The following FNDC5 variants were observed in gnomAD, a reference collection of about 807,000 sequenced individuals.
FNDC5 encodes fibronectin type III domain-containing protein 5.
FNDC5 carries 10 observed loss-of-function variants against 24.6 expected under a neutral mutation model. The ratio of observed to expected loss-of-function variants is 0.41; its 90% CI spans 0.25 to 0.69. The LOEUF (loss-of-function observed/expected upper bound fraction) is 0.69. Ranked by LOEUF, FNDC5 falls within the 30% of genes least tolerant of loss-of-function variation. The pLI is 0.34. For missense variants in FNDC5, 226 were observed against 282.9 expected, an observed-to-expected ratio of 0.80 and a Z score of 1.44; for synonymous variants, 90 against 110.7, an observed-to-expected ratio of 0.81 and a Z score of 1.18.
In FNDC5 at chr1:32,863,783, G is replaced by A. The variant is rs1008566695; in HGVS notation, c.*511C>T. 13 of 1,304,434 alleles carry A rather than the reference G, an allele frequency of 1.0e-5. No homozygotes were observed. Among genetic ancestry groups the A allele is most frequent in the Admixed American group, 2.3e-5 (1 of 43,540 alleles). The allele number at this position is 1,304,434 out of a possible 1,614,324, so 80.8% of individuals were successfully genotyped here. A position where few individuals can be genotyped will look rare whatever the true frequency, so the allele number is the denominator to read the frequency against. On this transcript the variant is annotated 3_prime_UTR_variant, in exon 6 of 6. Transcript: ENST00000373471. The stretch of plus-strand genomic sequence containing the variant: ...CTGAGGGCTTGTTTGGAAACTGGGA[G>A]GAAAAAAATGAGAGAAGCAGCCAGG...
At position 32,863,786 on chromosome 1, in the gene FNDC5, A is replaced by G. The variant is rs1440497432; in HGVS notation, c.*508T>C. 1.5e-6 allele frequency: 2 copies of G among 1,304,518 alleles called. No homozygotes were observed. The highest frequency in any genetic ancestry group is 3.0e-5 in the African/African-American group (2 of 65,856). 80.8% of individuals were successfully genotyped at this position (1,304,518 alleles called of 1,614,324 possible). A position where few individuals can be genotyped will look rare whatever the true frequency, so the allele number is the denominator to read the frequency against. On this transcript the variant is annotated 3_prime_UTR_variant, in exon 6 of 6. Coordinates refer to ENST00000373471, the MANE Select transcript of FNDC5 (RefSeq NM_153756.3). The stretch of plus-strand genomic sequence containing the variant: ...AGGGCTTGTTTGGAAACTGGGAGGA[A>G]AAAAATGAGAGAAGCAGCCAGGCCT...
chr1:32,868,296 G>A lies in FNDC5; in HGVS notation c.303C>T (p.Tyr101=). The A allele has an allele frequency of 1.2e-6, 2 of 1,614,220 alleles. No individual in the cohort carries two copies. Among genetic ancestry groups the A allele is most frequent in the African/African-American group, 1.3e-5 (1 of 75,052 alleles). The change falls in exon 3 of 6, where the codon TAC becomes TAT. Residue 101 remains tyrosine (Y), a synonymous_variant. Transcript: ENST00000373471. This position sits in a 1 kb window ranked among gnomAD's most constrained non-coding sequence, Gnocchi z 4.8. ...TGGAGATGGCCTGCACGTGGACTAT[G>A]TACTCCGTATCCTCCTCCAGGTCCC...
intron 1 of FNDC5, among the ~76,000 whole-genome samples, 185 bp from the exon 2 acceptor site, chr1:32,869,182 A>G (rs1467169430): frequency 6.6e-6 from 1 of 152,264 alleles, no homozygotes; most frequent in Admixed American, 6.5e-5. Flanking sequence ...ACCAAGCCCA[A>G]GAGGCCCCAG....
intron 5 of FNDC5, 106 bp downstream of exon 5, chr1:32,864,558 C>T: frequency 6.4e-7 from 1 of 1,572,732 alleles, no homozygotes; most frequent in Admixed American, 1.8e-5. Flanking sequence ...TCTGGCTCTG[C>T]CCAGCTGTCG....
chr1:32,866,438 A>G (rs1641072204), intron 4 of FNDC5, among the ~76,000 whole-genome samples: 1 of 151,988 alleles, frequency 6.6e-6, no homozygotes, highest in African/African-American at 2.4e-5. Flanking sequence ...TTACTCCCCC[A>G]CGTTCTACCT....
chr1:32,867,885 TC>T, intron 3 of FNDC5, 43 bp from the exon 4 acceptor site: 1 of 1,590,942 alleles, frequency 6.3e-7, no homozygotes, highest in Non-Finnish European at 8.6e-7. Context: ...CTTTCCTCCC[TC>T]AGCCACTCCT....
At position 32,868,741 on chromosome 1, in the gene FNDC5, G is replaced by A. The variant is rs1641124143; in HGVS notation, c.210+141C>T. On this transcript the variant is annotated intron_variant, in intron 2 of 5. Transcript: ENST00000373471. The surrounding 1 kb of genome is among the most constrained non-coding windows in gnomAD (Gnocchi z 4.8). ...ATGGGGCCCCAATTTTCAGACATAT[G>A]TCCAAATTGCTGTTCATCTCCCTTG... is the stretch of plus-strand genomic sequence containing the variant. The A allele has an allele frequency of 3.4e-6, 2 of 591,404 alleles. No individual in the cohort carries two copies. The highest frequency in any genetic ancestry group is 6.1e-5 in the East Asian group (2 of 32,676). 36.6% of individuals were successfully genotyped at this position (591,404 alleles called of 1,614,324 possible). A position where few individuals can be genotyped will look rare whatever the true frequency, so the allele number is the denominator to read the frequency against.
At chr1:32,870,621 C>G (rs1052334989) in intron 1 of FNDC5, 32 bp downstream of exon 1, 37 of 1,181,302 alleles carry the variant, frequency 3.1e-5, no homozygotes, top group South Asian at 4.2e-5. Context: ...GAGCCTGCCC[C>G]GGCGCCGGCC....
In FNDC5 at chr1:32,868,405, G is replaced by A. The variant is rs1250324616; in HGVS notation, c.211-17C>T. 1 of 1,609,038 alleles carries A rather than the reference G, an allele frequency of 6.2e-7. No individual in the cohort carries two copies. Among genetic ancestry groups the A allele is most frequent in the Non-Finnish European group, 8.5e-7 (1 of 1,176,504 alleles). On this transcript the variant is annotated splice_polypyrimidine_tract_variant and intron_variant, in intron 2 of 5. Transcript: ENST00000373471. This position sits in a 1 kb window ranked among gnomAD's most constrained non-coding sequence, Gnocchi z 4.8. ...ATCCTTCTTCTGCAGACAAGCGCCG[G>A]TCACTGCTGTCAACACTCGGTGACC...
chr1:32,862,894 G>A lies in FNDC5; in HGVS notation c.*1400C>T, dbSNP rs956284421. 11 of 152,754 alleles carry A rather than the reference G, an allele frequency of 7.2e-5. No homozygotes were observed. Among genetic ancestry groups the A allele is most frequent in the African/African-American group, 2.4e-4 (10 of 41,450 alleles). The allele number at this position is 152,754 out of a possible 1,614,324, so 9.5% of individuals were successfully genotyped here. A position where few individuals can be genotyped will look rare whatever the true frequency, so the allele number is the denominator to read the frequency against. On this transcript the variant is annotated 3_prime_UTR_variant, in exon 6 of 6. Transcript: ENST00000373471. ...GTAACTTTCATGGAACCCTGGATGAGATGGCAAGATATGAAGACCCCAGAG... is the reference window on the plus strand; with the variant it reads ...GTAACTTTCATGGAACCCTGGATGAAATGGCAAGATATGAAGACCCCAGAG...
At chr1:32,870,534 C>T in intron 1 of FNDC5, 119 bp downstream of exon 1, 2 of 469,750 alleles carry the variant, frequency 4.3e-6, no homozygotes, top group Non-Finnish European at 6.2e-6. Flanking sequence ...GTTAGGGGAG[C>T]AGTGTTTGGG....
chr1:32,864,848 C>T (rs1324115035), intron 4 of FNDC5, 51 bp from the exon 5 acceptor site: 1 of 1,605,494 alleles, frequency 6.2e-7, no homozygotes, highest in East Asian at 2.2e-5. Flanking sequence ...GTTCCTGCCT[C>T]CCCTGCTTCT....
At chr1:32,871,293 A>C (rs919255790), upstream of FNDC5, among the ~76,000 whole-genome samples, 1 of 151,266 alleles carries the variant, frequency 6.6e-6, no homozygotes, top group Non-Finnish European at 1.5e-5. Context: ...CCCTCATTCC[A>C]CGGTAGACCC....
At position 32,864,081 on chromosome 1, in the gene FNDC5, T is replaced by C. The variant is rs1641021793; in HGVS notation, c.*213A>G. On this transcript the variant is annotated 3_prime_UTR_variant, in exon 6 of 6. Coordinates refer to ENST00000373471, the MANE Select transcript of FNDC5 (RefSeq NM_153756.3). The stretch of plus-strand genomic sequence containing the variant: ...TGAGTGCAGCCTCAGCCACTGACAT[T>C]GTTGAGGTGCTTCTGGAGATGGGAG... The C allele has an allele frequency of 2.7e-6, 4 of 1,477,008 alleles. No homozygotes were observed. The South Asian group carries it at 5.4e-5, about 20-fold the overall frequency. The allele number at this position is 1,477,008 out of a possible 1,614,324, so 91.5% of individuals were successfully genotyped here.
At chr1:32,865,321 A>G (rs1350662612) in intron 4 of FNDC5, among the ~76,000 whole-genome samples, 1 of 149,756 alleles carries the variant, frequency 6.7e-6, no homozygotes, top group Non-Finnish European at 1.5e-5. Flanking sequence ...CTGGTCTCGA[A>G]CTCCCGACCT....
At chr1:32,866,586 C>A (rs1034302254) in intron 4 of FNDC5, among the ~76,000 whole-genome samples, 1 of 152,100 alleles carries the variant, frequency 6.6e-6, no homozygotes, top group African/African-American at 2.4e-5. Context: ...CCCATGTTAT[C>A]TCCTCTCTGT....
upstream of FNDC5, chr1:32,871,030 GC>G (rs1293709833): frequency 6.8e-6 from 1 of 147,636 alleles, no homozygotes; most frequent in Admixed American, 6.7e-5. Flanking sequence ...CCCCACTCCC[GC>G]CCCCGCTGCC....
chr1:32,863,563 G>T lies in FNDC5; in HGVS notation c.*731C>A. On this transcript the variant is annotated 3_prime_UTR_variant, in exon 6 of 6. Coordinates refer to ENST00000373471, the MANE Select transcript of FNDC5 (RefSeq NM_153756.3). ...TTTTGTGGCTTATTTTTATTTTTTT[G>T]CAGAATTTGGGTTTGTAGTGCAGCC... 1 of 528,930 alleles carries T rather than the reference G, an allele frequency of 1.9e-6. No homozygotes were observed. The highest frequency in any genetic ancestry group is 3.0e-6 in the Non-Finnish European group (1 of 328,836). 32.8% of individuals were successfully genotyped at this position (528,930 alleles called of 1,614,324 possible).
intron 1 of FNDC5, among the ~76,000 whole-genome samples, chr1:32,869,517 C>T (rs1641138168): frequency 6.6e-6 from 1 of 152,200 alleles, no homozygotes; most frequent in Admixed American, 6.5e-5. Flanking sequence ...ACAGAAGTAT[C>T]CTCAGAGCTG....
Sources: allele counts gnomAD v4.1 joint callset (sites outside exome capture counted in the v4.1 genomes callset), GRCh38; gene constraint gnomAD v4.1.1; non-coding constraint Gnocchi (gnomAD v3.1); transcripts MANE v1.5; gene names NCBI Gene and HGNC (gene_info 2026-07-23, HGNC 2026-07-21).